NCOR1: variants seen among roughly 807,000 people sequenced by gnomAD.
NCOR1 encodes the protein protein phosphatase 1, regulatory subunit 109.
In NCOR1, 63 loss-of-function variants were observed where a neutral mutation model predicts 288.1. The observed-to-expected ratio is 0.22, with a 90% CI of 0.18 to 0.27. The LOEUF is 0.27. Among genes scored for constraint, NCOR1 ranks in the 10% least tolerant of loss-of-function variants. NCOR1 has a pLI of 1.00. For missense variants in NCOR1, 2,397 were observed against 3,019.2 expected (o/e 0.79, Z 4.83); for synonymous variants, 1,007 against 1,065.9 (o/e 0.94, Z 1.08).
chr17:16,210,648 A>G (rs2153618638), intron 1 of NCOR1, among the ~76,000 whole-genome samples: 2 of 152,312 alleles, frequency 1.3e-5, no homozygotes, highest in East Asian at 3.9e-4. Context: ...TTTCATTGCC[A>G]AAATTTAATA....
At chr17:16,134,526 G>A (rs1422929370) in intron 14 of NCOR1, among the ~76,000 whole-genome samples, 1 of 152,166 alleles carries the variant, frequency 6.6e-6, no homozygotes, top group Admixed American at 6.5e-5. Context: ...TTTGAAACAT[G>A]CAACAAGAAT....
rs771606777 is a variant in NCOR1, at chr17:16,029,363, G to A, written c.*2933C>T. On this transcript the variant is annotated 3_prime_UTR_variant, in exon 46 of 46. Coordinates refer to ENST00000268712, the MANE Select transcript of NCOR1 (RefSeq NM_006311.4). ...TTTACTGATTGGTCTAAATTCAAAA[G>A]TGAATTGGTTAAAATCGTGTCATTA... 19 of 374,864 alleles carry A rather than the reference G, an allele frequency of 5.1e-5. No individual in the cohort carries two copies. Among genetic ancestry groups the A allele is most frequent in the Middle Eastern group, 8.6e-4 (1 of 1,158 alleles). 23.2% of individuals were successfully genotyped at this position (374,864 alleles called of 1,614,324 possible).
intron 15 of NCOR1, among the ~76,000 whole-genome samples, chr17:16,124,811 T>C (rs2153180851): frequency 6.6e-6 from 1 of 152,326 alleles, no homozygotes; most frequent in South Asian, 2.1e-4. Flanking sequence ...AATATAAAAA[T>C]GAACTCTTCC....
rs552151209 is a variant in NCOR1 at position 16,032,361 on chromosome 17, A to T, written c.7258T>A (p.Trp2420Arg). 165 of 1,614,040 alleles carry T rather than the reference A, an allele frequency of 1.0e-4. 1 individual carries two copies. The highest frequency in any genetic ancestry group is 1.4e-4 in the Non-Finnish European group (160 of 1,180,024). ...QAAPHQQNRI[W>R]EREPAPLLSA... ...AGCAGTGGGGCAGGCTCTCGCTCCC[A>T]GATCCTGTTCTGTTGGTGAGGAGCT... The change falls in exon 46 of 46, where the codon TGG becomes AGG. Residue 2420 changes from tryptophan (W) to arginine (R), a missense_variant. Physicochemically the swap from Trp to Arg is moderately radical, Grantham distance 101 (BLOSUM62 -3). Coordinates refer to ENST00000268712, the MANE Select transcript of NCOR1 (RefSeq NM_006311.4).
chr17:16,080,649 T>C lies in NCOR1; in HGVS notation c.3256A>G (p.Ile1086Val), dbSNP rs146584628. Residue 1086 changes from isoleucine to valine, a missense_variant, in exon 24 of 46, where the codon ATC becomes GTC. Transcript: ENST00000268712. ...QETPKPSVGS[I>V]SLGLPRQQES... ...TGTTGCCGTGGCAGTCCAAGAGAGA[T>C]AGATCCCACTGACGGCTTGGGTGTT... The C allele has an allele frequency of 9.9e-5, 160 of 1,613,976 alleles. No homozygotes were observed. Among genetic ancestry groups the C allele is most frequent in the African/African-American group, 5.3e-5 (4 of 74,898 alleles).
At chr17:16,135,182 A>AG in intron 14 of NCOR1, among the ~76,000 whole-genome samples, 1 of 150,038 alleles carries the variant, frequency 6.7e-6, no homozygotes, top group Non-Finnish European at 1.5e-5. Context: ...AAAAAAAAAA[A>AG]CTGTAGCTGA....
intron 18 of NCOR1, among the ~76,000 whole-genome samples, chr17:16,114,517 G>A (rs538651631): frequency 2.0e-5 from 3 of 152,290 alleles, no homozygotes; most frequent in Admixed American, 1.3e-4. Context: ...CTTCCCCTAT[G>A]AGCCTGTGAA....
At chr17:16,043,277 G>A (rs2058073513) in intron 42 of NCOR1, among the ~76,000 whole-genome samples, 2 of 152,344 alleles carry the variant, frequency 1.3e-5, no homozygotes, top group East Asian at 1.9e-4. Context: ...GTGAAGCTGT[G>A]TTGGCTGCTG....
chr17:16,215,526 T>G lies in NCOR1; in HGVS notation c.-235A>C. 1 of 398,554 alleles carries G rather than the reference T, an allele frequency of 2.5e-6. No individual in the cohort carries two copies. Among genetic ancestry groups the G allele is most frequent in the Non-Finnish European group, 4.4e-6 (1 of 226,132 alleles). The allele number at this position is 398,554 out of a possible 1,614,324, so 24.7% of individuals were successfully genotyped here. The stretch of plus-strand genomic sequence containing the variant: ...TGCTGCTTCGCCACCTTGGCCGCCA[T>G]CTTGACTCAACCCCTCTCCCTCCCC... On this transcript the variant is annotated 5_prime_UTR_variant, in exon 1 of 46. The change abolishes an upstream ATG in the 5' untranslated region. Coordinates refer to ENST00000268712, the MANE Select transcript of NCOR1 (RefSeq NM_006311.4).
In NCOR1 at chr17:16,086,331, G is replaced by C; in HGVS notation, c.3128C>G (p.Thr1043Arg). 6.2e-7 allele frequency: 1 copy of C among 1,614,186 alleles called. No homozygotes were observed. Among genetic ancestry groups the C allele is most frequent in the Non-Finnish European group, 8.5e-7 (1 of 1,179,986 alleles). The stretch of plus-strand genomic sequence containing the variant: ...AAAAGATGGTTTTTCTGAAGCCACT[G>C]TGGTTTTGGATGACGGGATGAGAGG... ...PPPLIPSSKT[T>R]VASEKPSFIM... The change falls in exon 23 of 46, where the codon ACA becomes AGA. Residue 1043 changes from threonine to arginine, a missense_variant. This residue lies in a region of NCOR1 where 1,872 missense variants were observed against 2,187.8 expected (regional missense o/e 0.86). Coordinates refer to ENST00000268712, the MANE Select transcript of NCOR1 (RefSeq NM_006311.4).
intron 3 of NCOR1, among the ~76,000 whole-genome samples, chr17:16,180,370 C>T (rs178826): frequency 0.53 from 80,551 of 151,722 alleles, 21,779 homozygotes; most frequent in Middle Eastern, 0.61. Flanking sequence ...GTATGGAAGG[C>T]CCCAAAGAAA....
In NCOR1 at chr17:16,108,781, G is replaced by C. The variant is rs2153054052; in HGVS notation, c.2182+5C>G. The C allele has an allele frequency of 6.3e-7, 1 of 1,581,740 alleles. No homozygotes were observed. The highest frequency in any genetic ancestry group is 1.4e-5 in the African/African-American group (1 of 73,444). ...GTCACAACTAAATTTAAAATTTTGA[G>C]ATACCTTCGCTGTCTTCTGGATTTT... On this transcript the variant is annotated splice_donor_5th_base_variant and intron_variant, in intron 19 of 45. Transcript: ENST00000268712.
intron 38 of NCOR1, 72 bp from the exon 39 acceptor site, chr17:16,058,136 T>C (rs1489327146): frequency 6.6e-7 from 1 of 1,521,186 alleles, no homozygotes; most frequent in Non-Finnish European, 9.1e-7. Context: ...AGATTAAATA[T>C]AATTCAGAAG....
intron 2 of NCOR1, among the ~76,000 whole-genome samples, chr17:16,190,775 C>G (rs1254322535): frequency 6.6e-6 from 1 of 152,230 alleles, no homozygotes; most frequent in Non-Finnish European, 1.5e-5. Flanking sequence ...TACCTTCCCA[C>G]AGTCAACAGC....
In NCOR1 at chr17:16,058,558, C is replaced by A. The variant is rs750076414; in HGVS notation, c.5923G>T (p.Val1975Leu). The change falls in exon 38 of 46, where the codon GTG becomes TTG. Residue 1975 changes from valine (V) to leucine (L), a missense_variant. By Grantham distance (32) the Val-to-Leu change is conservative. Coordinates refer to ENST00000268712, the MANE Select transcript of NCOR1 (RefSeq NM_006311.4). Reference protein sequence around the residue: ...RYETPSDAIEVISPASSPAPP... With the variant: ...RYETPSDAIELISPASSPAPP... The stretch of plus-strand genomic sequence containing the variant: ...GCAGGTGAGCTGGCAGGACTTATCA[C>A]CTCAATAGCATCGCTAGGTGTTTCA... The A allele has an allele frequency of 3.1e-6, 5 of 1,613,318 alleles. No homozygotes were observed. Among genetic ancestry groups the A allele is most frequent in the Middle Eastern group, 1.7e-4 (1 of 6,058 alleles).
intron 42 of NCOR1, chr17:16,044,328 C>A: frequency 4.3e-6 from 2 of 465,370 alleles, no homozygotes; most frequent in South Asian, 1.6e-5. Context: ...GTGACACTGG[C>A]TCATCCTTTT....
At chr17:16,146,702 G>A (rs2153350074) in intron 9 of NCOR1, among the ~76,000 whole-genome samples, 154 bp from the exon 10 acceptor site, 1 of 152,266 alleles carries the variant, frequency 6.6e-6, no homozygotes, top group South Asian at 2.1e-4. Context: ...AGAGGAGAGA[G>A]GAAAGGTAGC....
At chr17:16,033,611 G>A (rs917213088) in intron 45 of NCOR1, among the ~76,000 whole-genome samples, 1 of 151,584 alleles carries the variant, frequency 6.6e-6, no homozygotes. Flanking sequence ...AGGAAAAGAT[G>A]GCTTATAATT....
intron 2 of NCOR1, among the ~76,000 whole-genome samples, chr17:16,189,057 A>G (rs931356519): frequency 2.6e-5 from 4 of 151,932 alleles, no homozygotes; most frequent in African/African-American, 9.7e-5. Flanking sequence ...AGTCCTCATC[A>G]CAAGGGTTTG....
Sources: gnomAD v4.1 joint callset for allele counts (sites outside exome capture counted in the v4.1 genomes callset) on GRCh38, gnomAD v4.1.1 for gene constraint, gnomAD v4.1.1 regional missense constraint, MANE v1.5 for transcripts, NCBI Gene and HGNC (gene_info 2026-07-23, HGNC 2026-07-21) for gene names.